SNAP91: variants seen among roughly 807,000 people sequenced by gnomAD.
The protein encoded by SNAP91 is clathrin coat assembly protein AP180.
In SNAP91, 27 loss-of-function variants were observed where a neutral mutation model predicts 100.3. The observed-to-expected ratio is 0.27, with a 90% CI of 0.20 to 0.37. SNAP91 has a LOEUF of 0.37. Ranked by LOEUF, SNAP91 falls within the 10% of genes least tolerant of loss-of-function variation. The pLI is 1.00. For missense variants in SNAP91, 986 were observed against 1,123.7 expected (o/e 0.88, Z 1.75); for synonymous variants, 404 against 398.6 (o/e 1.01, Z -0.16).
chr6:83,622,451 A>ATT (rs5877857), intron 9 of SNAP91, among the ~76,000 whole-genome samples: 2 of 151,908 alleles, frequency 1.3e-5, no homozygotes, highest in South Asian at 4.2e-4. Context: ...CATTATGACA[A>ATT]TTTTTTCTAT....
chr6:83,624,412 T>C (rs2096851664), intron 8 of SNAP91, among the ~76,000 whole-genome samples: 1 of 152,036 alleles, frequency 6.6e-6, no homozygotes, highest in East Asian at 1.9e-4. Context: ...CCTTGAGAAA[T>C]GAAGAGCTTT....
intron 26 of SNAP91, among the ~76,000 whole-genome samples, chr6:83,570,188 G>A (rs1192884077): frequency 6.6e-6 from 1 of 152,102 alleles, no homozygotes; most frequent in Non-Finnish European, 1.5e-5. Context: ...TTAGCAGAAA[G>A]ACTGGTAGCA....
At chr6:83,598,157 T>C (rs2094704006) in intron 16 of SNAP91, among the ~76,000 whole-genome samples, 1 of 152,218 alleles carries the variant, frequency 6.6e-6, no homozygotes. Flanking sequence ...TTTGCATCAG[T>C]ATAAAAATAG....
At chr6:83,563,940 C>G (rs1044708393) in intron 26 of SNAP91, among the ~76,000 whole-genome samples, 4 of 152,142 alleles carry the variant, frequency 2.6e-5, no homozygotes, top group African/African-American at 9.7e-5. Context: ...AATTGCTACA[C>G]AGATTCAATG....
At chr6:83,587,705 GT>G (rs1420911102) in intron 22 of SNAP91, among the ~76,000 whole-genome samples, 2 of 152,032 alleles carry the variant, frequency 1.3e-5, no homozygotes, top group Admixed American at 6.6e-5. Context: ...TGTCAGCTAG[GT>G]TACAAATATA....
At chr6:83,587,421 T>G (rs1437180744) in intron 22 of SNAP91, among the ~76,000 whole-genome samples, 1 of 152,190 alleles carries the variant, frequency 6.6e-6, no homozygotes, top group Admixed American at 6.5e-5. Context: ...TTCTAGAGAA[T>G]CTTTTTCTCT....
intron 10 of SNAP91, among the ~76,000 whole-genome samples, chr6:83,615,958 A>G (rs932934311): frequency 6.6e-6 from 1 of 152,170 alleles, no homozygotes; most frequent in Non-Finnish European, 1.5e-5. Flanking sequence ...CCTGCTGTCA[A>G]CCAAAATGGA....
At chr6:83,609,086 A>C (rs2095826471) in intron 12 of SNAP91, among the ~76,000 whole-genome samples, 1 of 152,226 alleles carries the variant, frequency 6.6e-6, no homozygotes, top group Non-Finnish European at 1.5e-5. Context: ...GAACTTATTG[A>C]CAGCAATAAA....
intron 8 of SNAP91, among the ~76,000 whole-genome samples, chr6:83,629,091 A>G (rs2097098911): frequency 6.6e-6 from 1 of 151,870 alleles, no homozygotes; most frequent in African/African-American, 2.4e-5. Flanking sequence ...TAGCTAGTCA[A>G]TTATCCCAGC....
chr6:83,666,862 C>A (rs958716462), intron 2 of SNAP91, among the ~76,000 whole-genome samples: 2 of 152,010 alleles, frequency 1.3e-5, no homozygotes, highest in Non-Finnish European at 2.9e-5. Flanking sequence ...CCCATGTGGC[C>A]TTCCTGTGCT....
intron 12 of SNAP91, 23 bp from the exon 13 acceptor site, chr6:83,607,831 C>G (rs963251921): frequency 7.0e-7 from 1 of 1,423,014 alleles, no homozygotes; most frequent in South Asian, 1.3e-5. Context: ...ATGCACAACA[C>G]ACTTGAGTCA....
chr6:83,603,911 A>C (rs1160494051), intron 14 of SNAP91, among the ~76,000 whole-genome samples: 1 of 152,228 alleles, frequency 6.6e-6, no homozygotes, highest in Non-Finnish European at 1.5e-5. Flanking sequence ...TTAAAGGCTA[A>C]AATGTATTCT....
intron 16 of SNAP91, among the ~76,000 whole-genome samples, chr6:83,597,955 A>C: frequency 6.6e-6 from 1 of 152,292 alleles, no homozygotes; most frequent in South Asian, 2.1e-4. Flanking sequence ...TTGTGAGGTA[A>C]GTTCTTTGGT....
chr6:83,661,872 T>A (rs968808682), intron 4 of SNAP91, among the ~76,000 whole-genome samples: 3 of 152,240 alleles, frequency 2.0e-5, no homozygotes, highest in Non-Finnish European at 4.4e-5. Flanking sequence ...ATTTTTCAAA[T>A]AATGGCCAGT....
chr6:83,587,304 C>T (rs1416639512), intron 22 of SNAP91, among the ~76,000 whole-genome samples: 1 of 152,082 alleles, frequency 6.6e-6, no homozygotes, highest in Non-Finnish European at 1.5e-5. Flanking sequence ...AGTCCAGTGA[C>T]CAAGGTTCCC....
At chr6:83,636,939 C>T (rs557581872) in intron 8 of SNAP91, among the ~76,000 whole-genome samples, 3 of 152,062 alleles carry the variant, frequency 2.0e-5, no homozygotes, top group Admixed American at 6.5e-5. Flanking sequence ...AGGCTCTGTT[C>T]TAGGTTCTGA....
rs369361483 is a variant in SNAP91 at position 83,560,905 on chromosome 6, C to T, written c.2485G>A (p.Gly829Arg). 665 of 1,613,410 alleles carry T rather than the reference C, an allele frequency of 4.1e-4. No homozygotes were observed. Among genetic ancestry groups the T allele is most frequent in the Non-Finnish European group, 5.5e-4 (643 of 1,179,768 alleles). The change falls in exon 27 of 30, where the codon GGG becomes AGG. Residue 829 changes from glycine (G) to arginine (R), a missense_variant. This residue lies in a region of SNAP91 where 575 missense variants were observed against 579.9 expected (regional missense o/e 0.99). Transcript: ENST00000369694. Reference sequence around the variant, plus strand: ...CCAGGTTGTCCAACCGATGGGGCCCCGGCAACAGGAGGAACTGAACTGGTT... The same window carrying T: ...CCAGGTTGTCCAACCGATGGGGCCCTGGCAACAGGAGGAACTGAACTGGTT... Reference protein sequence around the residue: ...PPTSSVPPVAGAPSVGQPGAG... With the variant: ...PPTSSVPPVARAPSVGQPGAG...
chr6:83,695,519 T>C (rs1266513739), intron 2 of SNAP91, among the ~76,000 whole-genome samples: 1 of 152,102 alleles, frequency 6.6e-6, no homozygotes, highest in Non-Finnish European at 1.5e-5. Context: ...TGCAACAAAT[T>C]TGGGGGAAAC....
intron 22 of SNAP91, among the ~76,000 whole-genome samples, chr6:83,584,726 C>A (rs2092046893): frequency 6.6e-6 from 1 of 152,114 alleles, no homozygotes; most frequent in African/African-American, 2.4e-5. Flanking sequence ...TTATAACAAC[C>A]CCATGAGGTT....
Sources: gnomAD v4.1 joint callset for allele counts (sites outside exome capture counted in the v4.1 genomes callset) on GRCh38, gnomAD v4.1.1 for gene constraint, gnomAD v4.1.1 regional missense constraint, MANE v1.5 for transcripts, NCBI Gene and HGNC (gene_info 2026-07-23, HGNC 2026-07-21) for gene names.